B4GALNT3: variants seen among roughly 807,000 people sequenced by gnomAD.
B4GALNT3 encodes the protein beta-1,4-N-acetylgalactosaminyltransferase 3.
Under a neutral mutation model 120.2 loss-of-function variants are expected in B4GALNT3, and 86 were observed. The observed-to-expected ratio is 0.72, with a 90% CI of 0.60 to 0.86. The LOEUF (loss-of-function observed/expected upper bound fraction) is 0.86. B4GALNT3 is among the 40% of genes least tolerant of loss of function. B4GALNT3 has a pLI of 0.00. For missense variants in B4GALNT3, 1,167 were observed against 1,298.9 expected (o/e 0.90, Z 1.56); for synonymous variants, 518 against 510.4 (o/e 1.01, Z -0.20).
chr12:484,929 T>C (rs1303809573), intron 1 of B4GALNT3, among the ~76,000 whole-genome samples: 1 of 152,032 alleles, frequency 6.6e-6, no homozygotes, highest in Non-Finnish European at 1.5e-5. Flanking sequence ...CATCCTGTGG[T>C]GTATGTGGGC....
rs140849879 is a variant in B4GALNT3 at position 551,140 on chromosome 12, C to T, written c.1107+109C>T. The T allele has an allele frequency of 5.4e-3, 5,197 of 959,816 alleles. 36 individuals carry two copies. The highest frequency in any genetic ancestry group is 8.4e-3 in the Middle Eastern group (38 of 4,514). 59.5% of individuals were successfully genotyped at this position (959,816 alleles called of 1,614,324 possible). On this transcript the variant is annotated intron_variant, in intron 11 of 19. Transcript: ENST00000266383. ...CTTTCCCATCTTCCCAACATCCCAT[C>T]CCAGCAGACAGGACGTCCTCACAGG... is the stretch of plus-strand genomic sequence containing the variant.
intron 1 of B4GALNT3, among the ~76,000 whole-genome samples, chr12:506,463 T>C (rs1946497265): frequency 6.6e-6 from 1 of 152,070 alleles, no homozygotes; most frequent in Non-Finnish European, 1.5e-5. Context: ...CTTAAAAACA[T>C]TTTATTTCTA....
At chr12:525,086 T>TTTTATTTATTTA (rs575604135) in intron 1 of B4GALNT3, among the ~76,000 whole-genome samples, 15,721 of 130,506 alleles carry the variant, frequency 0.12, 1,090 homozygotes, top group East Asian at 0.23. Flanking sequence ...AATAACACAA[T>TTTTATTTATTTA]TTTATTTATT....
In B4GALNT3 at chr12:459,993, G is replaced by A. The variant is rs914858417; in HGVS notation, c.-384G>A. Among the ~76,000 whole-genome samples, 6 of 151,594 alleles carry A rather than the reference G, an allele frequency of 4.0e-5. No individual in the cohort carries two copies. In the South Asian group the frequency reaches 1.2e-3, roughly 31 times the overall value. On this transcript the variant is annotated 5_prime_UTR_variant, in exon 1 of 20. Transcript: ENST00000266383. ...CGGAGCCCGGTCCGGGGCTGGCGGGGGCGCGGGCGGAGGCAGGCGGGCGGG... is the reference window on the plus strand; with the variant it reads ...CGGAGCCCGGTCCGGGGCTGGCGGGAGCGCGGGCGGAGGCAGGCGGGCGGG...
chr12:473,399 G>A (rs773917884), intron 1 of B4GALNT3, among the ~76,000 whole-genome samples: 2 of 152,150 alleles, frequency 1.3e-5, no homozygotes, highest in African/African-American at 2.4e-5. Flanking sequence ...GGTGGTGAGC[G>A]CCTAGCCGGA....
chr12:500,945 A>G (rs1464960767), intron 1 of B4GALNT3, among the ~76,000 whole-genome samples: 3 of 130,722 alleles, frequency 2.3e-5, no homozygotes. Context: ...TTGGCTCACT[A>G]CAACCCCCAC....
In B4GALNT3 at chr12:460,259, G is replaced by A; in HGVS notation, c.-118G>A. ...AGAGCGGCCGGGAGAGACGGCCTCGGCGCAGCCCTGAGACGCTGGGCCGGG... is the reference window on the plus strand; with the variant it reads ...AGAGCGGCCGGGAGAGACGGCCTCGACGCAGCCCTGAGACGCTGGGCCGGG... On this transcript the variant is annotated 5_prime_UTR_variant, in exon 1 of 20. Transcript: ENST00000266383. This position sits in a 1 kb window ranked among gnomAD's most constrained non-coding sequence, Gnocchi z 8.0. 1 of 791,380 alleles carries A rather than the reference G, an allele frequency of 1.3e-6. No homozygotes were observed. Among genetic ancestry groups the A allele is most frequent in the Non-Finnish European group, 1.5e-6 (1 of 654,496 alleles). The allele number at this position is 791,380 out of a possible 1,614,324, so 49.0% of individuals were successfully genotyped here. A position where few individuals can be genotyped will look rare whatever the true frequency, so the allele number is the denominator to read the frequency against.
In B4GALNT3 at chr12:556,604, G is replaced by C; in HGVS notation, c.2118G>C (p.Gly706=). The C allele has an allele frequency of 6.2e-7, 1 of 1,614,056 alleles. No homozygotes were observed. The highest frequency in any genetic ancestry group is 1.1e-5 in the South Asian group (1 of 91,076). ...AAAAGCGTCAGGACCAGCTACGTGG[G>C]GGTCGCTACCTCCTGGAGCTTGAAC... The part of the protein sequence containing the change: ...NVEKRQDQLR[G]GRYLLELELL... Residue 706 remains glycine (G), a synonymous_variant, in exon 15 of 20, where the codon GGG becomes GGC. Transcript: ENST00000266383.
At chr12:520,645 G>GC (rs1395325944) in intron 1 of B4GALNT3, among the ~76,000 whole-genome samples, 11 of 152,108 alleles carry the variant, frequency 7.2e-5, no homozygotes, top group South Asian at 4.1e-4. Context: ...TTATGGGATT[G>GC]TGACTAATAG....
At chr12:552,605 C>T (rs566649982) in intron 13 of B4GALNT3, 77 bp downstream of exon 13, 54 of 1,430,084 alleles carry the variant, frequency 3.8e-5, no homozygotes, top group South Asian at 2.4e-4. Context: ...ATGTTCAGAC[C>T]GTGCCAGCCC....
At chr12:523,682 A>ATG (rs1565602096) in intron 1 of B4GALNT3, among the ~76,000 whole-genome samples, 1 of 152,178 alleles carries the variant, frequency 6.6e-6, no homozygotes, top group Non-Finnish European at 1.5e-5. Context: ...GCAGGTCTCT[A>ATG]TGTCTCCATC....
Position 545,428 on chromosome 12 carries a change from G to T in B4GALNT3, c.598G>T (p.Asp200Tyr). 2 of 1,611,422 alleles carry T rather than the reference G, an allele frequency of 1.2e-6. No homozygotes were observed. Among genetic ancestry groups the T allele is most frequent in the South Asian group, 1.1e-5 (1 of 90,292 alleles). ...DNAEFWLSLD[D>Y]QVSGLQLLAS... ...CGCGGAGTTCTGGCTGAGCCTCGAT[G>T]ACCAGGTCTCAGGCCTCCAGCTGCT... is the stretch of plus-strand genomic sequence containing the variant. Residue 200 changes from aspartate to tyrosine, a missense_variant, in exon 6 of 20, where the codon GAC becomes TAC. Asp to Tyr is a radical substitution (Grantham distance 160). This residue lies in a region of B4GALNT3 where 983 missense variants were observed against 1,102.5 expected (regional missense o/e 0.89). Transcript: ENST00000266383.
At chr12:477,313 A>G (rs1946194648) in intron 1 of B4GALNT3, among the ~76,000 whole-genome samples, 1 of 152,136 alleles carries the variant, frequency 6.6e-6, no homozygotes, top group Non-Finnish European at 1.5e-5. Context: ...CCTCAAGTCT[A>G]TTGATCTATT....
chr12:510,500 AC>A (rs1946537365), intron 1 of B4GALNT3, among the ~76,000 whole-genome samples: 1 of 114,418 alleles, frequency 8.7e-6, no homozygotes, highest in African/African-American at 2.9e-5. Flanking sequence ...TGGGAGGGAA[AC>A]GGGCCCTTTC....
At chr12:492,124 C>CT in intron 1 of B4GALNT3, among the ~76,000 whole-genome samples, 1 of 151,222 alleles carries the variant, frequency 6.6e-6, no homozygotes, top group South Asian at 2.1e-4. Flanking sequence ...ACTGGAAGTC[C>CT]TATCTAATGC....
intron 1 of B4GALNT3, among the ~76,000 whole-genome samples, chr12:473,223 C>T (rs1408951421): frequency 8.1e-6 from 1 of 122,930 alleles, no homozygotes; most frequent in Non-Finnish European, 1.6e-5. Flanking sequence ...TTTCCTCAGC[C>T]TCCCAAAGTG....
intron 13 of B4GALNT3, chr12:552,807 C>T: frequency 3.8e-6 from 2 of 524,210 alleles, no homozygotes; most frequent in South Asian, 5.2e-5. Context: ...GAGGGGCTTG[C>T]TGTCCCTGGC....
At chr12:541,010 T>A (rs912278269) in intron 3 of B4GALNT3, among the ~76,000 whole-genome samples, 11 of 152,240 alleles carry the variant, frequency 7.2e-5, no homozygotes, top group Admixed American at 1.3e-4. Flanking sequence ...CCCAAAGTGC[T>A]GGGATTACAG....
chr12:554,038 G>T, intron 14 of B4GALNT3, 55 bp downstream of exon 14: 2 of 1,308,438 alleles, frequency 1.5e-6, no homozygotes, highest in Non-Finnish European at 2.2e-6. Context: ...CAGCCAGCTG[G>T]CCTGGAAGGC....
Sources: gnomAD v4.1 joint callset for allele counts (sites outside exome capture counted in the v4.1 genomes callset) on GRCh38, gnomAD v4.1.1 for gene constraint, gnomAD v4.1.1 regional missense constraint, Gnocchi (gnomAD v3.1) non-coding constraint, MANE v1.5 for transcripts, NCBI Gene and HGNC (gene_info 2026-07-23, HGNC 2026-07-21) for gene names.